Variants in UBAP1 observed in about 807,000 individuals in gnomAD.
The protein encoded by UBAP1 is ubiquitin associated protein 1.
A neutral mutation model predicts 39.0 loss-of-function variants in UBAP1; 5 were observed. That is an observed-to-expected ratio of 0.13 (90% CI 0.07 to 0.27). The LOEUF is 0.27. Ranked by LOEUF, UBAP1 falls within the 10% of genes least tolerant of loss-of-function variation. The pLI is 1.00. For synonymous variants in UBAP1, 211 were observed against 225.1 expected (o/e 0.94, Z 0.56); for missense variants, 490 against 608.1 (o/e 0.81, Z 2.04).
At chr9:34,234,118 G>T in intron 2 of UBAP1, 98 bp from the exon 3 acceptor site, 1 of 1,282,462 alleles carries the variant, frequency 7.8e-7, no homozygotes, top group East Asian at 2.5e-5. Context: ...CTAGACTTAG[G>T]ATAGCAAAAA....
chr9:34,219,527 TATGTAC>T (rs1366098478), intron 1 of UBAP1, among the ~76,000 whole-genome samples: 1 of 152,142 alleles, frequency 6.6e-6, no homozygotes, highest in Admixed American at 6.6e-5. Flanking sequence ...AAATATTTTT[TATGTAC>T]AAGTTGAGTA....
intron 5 of UBAP1, 100 bp from the exon 6 acceptor site, chr9:34,250,558 T>A: frequency 2.3e-6 from 2 of 857,238 alleles, no homozygotes; most frequent in South Asian, 3.2e-5. Context: ...ACGGCCTGGG[T>A]GGGGCGGAGA....
chr9:34,226,129 G>GTGTGTGTGTGTGTGTGTGTGTT (rs1833071905), intron 2 of UBAP1, among the ~76,000 whole-genome samples: 54 of 141,948 alleles, frequency 3.8e-4, no homozygotes, highest in African/African-American at 1.3e-3. Context: ...GTGTGTGTGT[G>GTGTGTGTGTGTGTGTGTGTGTT]TGTGTGTGTG....
chr9:34,228,929 C>T (rs1303815329), intron 2 of UBAP1, among the ~76,000 whole-genome samples: 1 of 151,950 alleles, frequency 6.6e-6, no homozygotes, highest in Non-Finnish European at 1.5e-5. Context: ...CCTACCTCCT[C>T]CTTCCAGTAA....
chr9:34,186,937 C>T (rs1179394259), intron 1 of UBAP1, among the ~76,000 whole-genome samples: 3 of 151,256 alleles, frequency 2.0e-5, no homozygotes, highest in Admixed American at 6.6e-5. Context: ...GATGGAGTTT[C>T]GCTCTTGTTG....
At chr9:34,194,586 T>C (rs1194367398) in intron 1 of UBAP1, among the ~76,000 whole-genome samples, 1 of 152,168 alleles carries the variant, frequency 6.6e-6, no homozygotes, top group Non-Finnish European at 1.5e-5. Context: ...AGTGCTGGGA[T>C]TATAGGCGTG....
chr9:34,234,161 C>A, intron 2 of UBAP1, 55 bp from the exon 3 acceptor site: 1 of 1,548,826 alleles, frequency 6.5e-7, no homozygotes, highest in Non-Finnish European at 8.7e-7. Flanking sequence ...AAGATTATGG[C>A]AAAACAAATA....
At chr9:34,217,783 CTTTTTTTTTTTTTTT>C (rs750494361) in intron 1 of UBAP1, among the ~76,000 whole-genome samples, 45 of 41,226 alleles carry the variant, frequency 1.1e-3, no homozygotes, top group Non-Finnish European at 1.3e-3. Context: ...GGATTTCGTT[CTTTTTTTTTTTTTTT>C]TTTTTTTTTT....
At chr9:34,200,909 G>A (rs1323360155) in intron 1 of UBAP1, among the ~76,000 whole-genome samples, 2 of 152,006 alleles carry the variant, frequency 1.3e-5, no homozygotes, top group East Asian at 3.9e-4. Flanking sequence ...ATAGGCTTAA[G>A]TGATTTTATT....
rs1193356334 is a variant in UBAP1 at position 34,181,116 on chromosome 9, C to CTTTCTTTCT, written c.-8+1879_-8+1880insCTTTCTTTT. ...TGAGCCACCGCACCCGGCCTGTTTTCTTTTTTTTTTTTTTTTTGAGACAGA... is the reference window on the plus strand; with the variant it reads ...TGAGCCACCGCACCCGGCCTGTTTTCTTTCTTTCTTTTTTTTTTTTTTTTTTGAGACAGA... On this transcript the variant is annotated intron_variant, in intron 1 of 6. Coordinates refer to ENST00000297661, the MANE Select transcript of UBAP1 (RefSeq NM_016525.5). 6.6e-4 allele frequency among the ~76,000 whole-genome samples: 48 copies of CTTTCTTTCT among 72,274 alleles called. 3 individuals carry two copies. The South Asian group carries it at 0.019, about 28-fold the overall frequency. 47.4% of individuals were successfully genotyped at this position (72,274 alleles called of 152,430 possible). A position where few individuals can be genotyped will look rare whatever the true frequency, so the allele number is the denominator to read the frequency against.
chr9:34,214,184 T>C (rs760012928), intron 1 of UBAP1, among the ~76,000 whole-genome samples: 1 of 152,152 alleles, frequency 6.6e-6, no homozygotes, highest in Non-Finnish European at 1.5e-5. Context: ...AAAATTCATA[T>C]GGAACAAAAA....
At chr9:34,217,702 GTCTT>G (rs1004787478) in intron 1 of UBAP1, among the ~76,000 whole-genome samples, 1 of 136,494 alleles carries the variant, frequency 7.3e-6, no homozygotes, top group African/African-American at 2.7e-5. Flanking sequence ...TACAAAATTT[GTCTT>G]TCTGTGTCTG....
intron 2 of UBAP1, among the ~76,000 whole-genome samples, chr9:34,230,848 T>A (rs1833368730): frequency 1.3e-5 from 2 of 152,154 alleles, no homozygotes; most frequent in Non-Finnish European, 2.9e-5. Context: ...ACTAGCCTTG[T>A]CATTTTTGGG....
At chr9:34,189,955 A>G (rs2131506157) in intron 1 of UBAP1, among the ~76,000 whole-genome samples, 1 of 152,232 alleles carries the variant, frequency 6.6e-6, no homozygotes, top group East Asian at 1.9e-4. Context: ...TAATTCTTTC[A>G]TCAAAGGTTT....
chr9:34,247,964 T>TTTACCTAAAGC (rs535725412), intron 4 of UBAP1, among the ~76,000 whole-genome samples: 151 of 152,332 alleles, frequency 9.9e-4, no homozygotes, highest in African/African-American at 3.4e-3. Context: ...TTATGCCATG[T>TTTACCTAAAGC]TTACCTAAAG....
At chr9:34,206,747 C>T (rs1455512953) in intron 1 of UBAP1, among the ~76,000 whole-genome samples, 5 of 152,040 alleles carry the variant, frequency 3.3e-5, no homozygotes, top group Non-Finnish European at 7.4e-5. Context: ...GTTACTATAC[C>T]TTTGATCCAT....
intron 1 of UBAP1, among the ~76,000 whole-genome samples, chr9:34,194,536 G>A (rs1416025397): frequency 6.6e-6 from 1 of 152,078 alleles, no homozygotes; most frequent in African/African-American, 2.4e-5. Flanking sequence ...GGATGGTCTC[G>A]ATCTCCCGAC....
intron 1 of UBAP1, among the ~76,000 whole-genome samples, chr9:34,208,567 G>A (rs1831841034): frequency 6.6e-6 from 1 of 151,984 alleles, no homozygotes; most frequent in African/African-American, 2.4e-5. Context: ...CATGAGGTCA[G>A]GAGATTGAGA....
intron 3 of UBAP1, among the ~76,000 whole-genome samples, chr9:34,240,573 T>G (rs1035229324): frequency 1.3e-5 from 2 of 152,216 alleles, no homozygotes; most frequent in African/African-American, 4.8e-5. Flanking sequence ...TAAAGAACCA[T>G]GAAGTGGCTC....
Sources: gnomAD v4.1 joint callset for allele counts (sites outside exome capture counted in the v4.1 genomes callset) on GRCh38, gnomAD v4.1.1 for gene constraint, MANE v1.5 for transcripts, NCBI Gene and HGNC (gene_info 2026-07-23, HGNC 2026-07-21) for gene names.